The following SCAND3 variants were observed in gnomAD, a reference collection of about 807,000 sequenced individuals.
SCAND3 encodes the protein SCAN domain-containing protein 3.
the SCAND3 span, among the ~76,000 whole-genome samples, chr6:28,602,493 C>T: frequency 6.6e-6 from 1 of 152,204 alleles, no homozygotes; most frequent in African/African-American, 2.4e-5. Context: ...CAGGCGTGAG[C>T]CACAGTGCCC....
the SCAND3 span, among the ~76,000 whole-genome samples, chr6:28,612,666 ATGCATTTTG>A: frequency 6.6e-6 from 1 of 152,236 alleles, no homozygotes; most frequent in South Asian, 2.1e-4. Context: ...GGTATCTACA[ATGCATTTTG>A]TGCATTTCTA....
At chr6:28,591,074 C>A in the SCAND3 span, 1 of 152,160 alleles carries the variant, frequency 6.6e-6, no homozygotes, top group Non-Finnish European at 1.5e-5. Flanking sequence ...CCATAGCCTG[C>A]CTGTGTTACT....
chr6:28,592,426 A>C, the SCAND3 span, among the ~76,000 whole-genome samples: 1 of 152,188 alleles, frequency 6.6e-6, no homozygotes, highest in East Asian at 1.9e-4. This position sits in a 1 kb window ranked among gnomAD's most constrained non-coding sequence, Gnocchi z 4.1. Flanking sequence ...CTCTGATAAA[A>C]TGACAAAAAC....
chr6:28,589,436 A>G, the SCAND3 span: 1 of 151,984 alleles, frequency 6.6e-6, no homozygotes, highest in Non-Finnish European at 1.5e-5. Flanking sequence ...CCGAGTTCGA[A>G]TCTCGGTGGG....
At chr6:28,575,407 A>T in the SCAND3 span, 1 of 1,614,092 alleles carries the variant, frequency 6.2e-7, no homozygotes, top group Non-Finnish European at 8.5e-7. This position sits in a 1 kb window ranked among gnomAD's most constrained non-coding sequence, Gnocchi z 4.2. Flanking sequence ...AGATTGTAGG[A>T]CACTGGGTGC....
At chr6:28,592,802 A>G in the SCAND3 span, among the ~76,000 whole-genome samples, 7 of 152,376 alleles carry the variant, frequency 4.6e-5, no homozygotes, top group East Asian at 9.6e-4. The surrounding 1 kb of genome is among the most constrained non-coding windows in gnomAD (Gnocchi z 4.1). Context: ...CAAAGGTGCC[A>G]AGAACACACA....
At chr6:28,581,464 C>A in the SCAND3 span, among the ~76,000 whole-genome samples, 1 of 152,102 alleles carries the variant, frequency 6.6e-6, no homozygotes, top group Non-Finnish European at 1.5e-5. Flanking sequence ...GTGGCACAAA[C>A]AAATAGGGGT....
the SCAND3 span, chr6:28,590,691 C>A: frequency 1.3e-5 from 2 of 152,130 alleles, no homozygotes; most frequent in African/African-American, 4.8e-5. Context: ...CGCATACATA[C>A]CAAAAAACCA....
chr6:28,581,866 C>T, the SCAND3 span, among the ~76,000 whole-genome samples: 30 of 152,216 alleles, frequency 2.0e-4, no homozygotes, highest in African/African-American at 6.3e-4. Flanking sequence ...AACATTTTGT[C>T]GGGAGGAAAG....
At chr6:28,586,280 GCACCTC>G in the SCAND3 span, 1 of 1,568,270 alleles carries the variant, frequency 6.4e-7, no homozygotes, top group Non-Finnish European at 8.7e-7. The surrounding 1 kb of genome is among the most constrained non-coding windows in gnomAD (Gnocchi z 4.4). Context: ...ACAGAAGATG[GCACCTC>G]CAATTTCTCA....
At chr6:28,612,228 C>T in the SCAND3 span, among the ~76,000 whole-genome samples, 3 of 151,712 alleles carry the variant, frequency 2.0e-5, no homozygotes, top group East Asian at 1.9e-4. Flanking sequence ...TTAGTAGAGG[C>T]GGGGTTTCAT....
the SCAND3 span, chr6:28,573,687 A>G: frequency 1.9e-6 from 3 of 1,610,592 alleles, no homozygotes; most frequent in Non-Finnish European, 1.7e-6. Context: ...CATATTTCCG[A>G]GTGAAACTAG....
the SCAND3 span, chr6:28,579,435 T>C: frequency 6.2e-7 from 1 of 1,602,318 alleles, no homozygotes; most frequent in Non-Finnish European, 8.5e-7. The surrounding 1 kb of genome is among the most constrained non-coding windows in gnomAD (Gnocchi z 4.5). Context: ...GACAAGTAGG[T>C]GCATTTGGTA....
At chr6:28,609,189 G>A in the SCAND3 span, among the ~76,000 whole-genome samples, 2 of 152,154 alleles carry the variant, frequency 1.3e-5, no homozygotes, top group Non-Finnish European at 2.9e-5. Context: ...AGTAATTAAA[G>A]GATTAACTAT....
At chr6:28,574,796 C>T in the SCAND3 span, 2 of 1,614,104 alleles carry the variant, frequency 1.2e-6, no homozygotes, top group Non-Finnish European at 1.7e-6. Context: ...CGACCACAGC[C>T]CTCAGTCCCA....
chr6:28,578,718 G>A, the SCAND3 span, among the ~76,000 whole-genome samples: 1 of 152,170 alleles, frequency 6.6e-6, no homozygotes, highest in Non-Finnish European at 1.5e-5. Flanking sequence ...TAAGAAAATT[G>A]TTAGGGCTAT....
the SCAND3 span, among the ~76,000 whole-genome samples, chr6:28,592,623 A>T: frequency 6.6e-6 from 1 of 152,230 alleles, no homozygotes; most frequent in Non-Finnish European, 1.5e-5. This position sits in a 1 kb window ranked among gnomAD's most constrained non-coding sequence, Gnocchi z 4.1. Flanking sequence ...AGACAAAAAA[A>T]TCTTGAGCAA....
chr6:28,582,566 C>A, the SCAND3 span, among the ~76,000 whole-genome samples: 1 of 152,086 alleles, frequency 6.6e-6, no homozygotes, highest in Non-Finnish European at 1.5e-5. This position sits in a 1 kb window ranked among gnomAD's most constrained non-coding sequence, Gnocchi z 4.8. Flanking sequence ...GGGGAAAATA[C>A]GGTTAAAGGG....
At chr6:28,574,512 C>A in the SCAND3 span, 1 of 768,156 alleles carries the variant, frequency 1.3e-6, no homozygotes, top group South Asian at 1.8e-5. Context: ...AGTAATTAGG[C>A]CTTCTTTGGG....
Sources: allele counts gnomAD v4.1 joint callset (sites outside exome capture counted in the v4.1 genomes callset), GRCh38; gene constraint gnomAD v4.1.1; non-coding constraint Gnocchi (gnomAD v3.1); transcripts MANE v1.5; gene names NCBI Gene and HGNC (gene_info 2026-07-23, HGNC 2026-07-21).